UBL3: variants seen among roughly 807,000 people sequenced by gnomAD.
UBL3 encodes the protein ubiquitin-like protein 3.
In UBL3, 6 loss-of-function variants were observed where a neutral mutation model predicts 18.4. That is an observed-to-expected ratio of 0.33 (90% CI 0.18 to 0.64). UBL3 has a LOEUF of 0.64. UBL3 is among the 30% of genes least tolerant of loss of function. The probability of loss-of-function intolerance (pLI) is 0.76; values close to 1 mark genes in which losing one functional copy is unlikely to be tolerated. For missense variants in UBL3, 109 were observed against 142.9 expected, an observed-to-expected ratio of 0.76 and a Z score of 1.21; for synonymous variants, 49 against 46.6, an observed-to-expected ratio of 1.05 and a Z score of -0.21.
chr13:29,844,291 G>T (rs1301814145), intron 1 of UBL3, among the ~76,000 whole-genome samples: 2 of 152,052 alleles, frequency 1.3e-5, no homozygotes, highest in East Asian at 3.9e-4. Flanking sequence ...TAAACAAACA[G>T]AAGTTCTCAT....
At chr13:29,787,915 T>C (rs1206165576) in intron 1 of UBL3, among the ~76,000 whole-genome samples, 2 of 152,150 alleles carry the variant, frequency 1.3e-5, no homozygotes, top group Non-Finnish European at 2.9e-5. Flanking sequence ...GTTAGAGTAG[T>C]ATATATTCAT....
intron 1 of UBL3, among the ~76,000 whole-genome samples, chr13:29,793,336 G>C (rs1877529154): frequency 6.6e-6 from 1 of 152,184 alleles, no homozygotes; most frequent in South Asian, 2.1e-4. Context: ...ATCATTGTTA[G>C]AGACACAATT....
intron 1 of UBL3, among the ~76,000 whole-genome samples, chr13:29,800,510 CAA>C (rs947269913): frequency 1.3e-5 from 2 of 151,730 alleles, no homozygotes; most frequent in African/African-American, 4.8e-5. Context: ...GTAAATAATT[CAA>C]AAGAGGCAGA....
At chr13:29,817,653 AT>A in intron 1 of UBL3, among the ~76,000 whole-genome samples, 1 of 152,314 alleles carries the variant, frequency 6.6e-6, no homozygotes, top group East Asian at 1.9e-4. Context: ...TTTTTTTAAA[AT>A]TCCATTTAGC....
Position 29,803,248 on chromosome 13 carries a change from G to A in UBL3, c.28-25985C>T, listed in dbSNP as rs140712184. On this transcript the variant is annotated intron_variant, in intron 1 of 4. Coordinates refer to ENST00000380680, the MANE Select transcript of UBL3 (RefSeq NM_007106.4). ...CACCACCAGACCTAACTTACCAGAG[G>A]TCCTTAAAGGAGTGCTAAATATGGA... is the stretch of plus-strand genomic sequence containing the variant. Among the ~76,000 whole-genome samples the A allele has an allele frequency of 4.4e-3, 662 of 152,114 alleles. 5 individuals carry two copies. Among genetic ancestry groups the A allele is most frequent in the Admixed American group, 7.1e-3 (108 of 15,282 alleles).
chr13:29,833,669 A>G (rs1270612131), intron 1 of UBL3, among the ~76,000 whole-genome samples: 1 of 152,160 alleles, frequency 6.6e-6, no homozygotes, highest in African/African-American at 2.4e-5. Flanking sequence ...AAAACTGAAC[A>G]CAGACATACT....
intron 1 of UBL3, among the ~76,000 whole-genome samples, chr13:29,806,691 A>T (rs575204908): frequency 3.2e-4 from 48 of 152,326 alleles, no homozygotes; most frequent in African/African-American, 1.2e-3. Flanking sequence ...TTTGGCTTAA[A>T]TTCAGAAATA....
chr13:29,828,507 G>A (rs967698821), intron 1 of UBL3, among the ~76,000 whole-genome samples: 1 of 152,140 alleles, frequency 6.6e-6, no homozygotes, highest in Admixed American at 6.5e-5. Context: ...TAGTTCTCAT[G>A]CCATGGTTTT....
chr13:29,826,863 C>G (rs1289776157), intron 1 of UBL3, among the ~76,000 whole-genome samples: 1 of 152,040 alleles, frequency 6.6e-6, no homozygotes, highest in Non-Finnish European at 1.5e-5. Context: ...TAAATGTGTC[C>G]CTGAGATTCT....
At chr13:29,835,713 C>G (rs1304489382) in intron 1 of UBL3, among the ~76,000 whole-genome samples, 1 of 144,510 alleles carries the variant, frequency 6.9e-6, no homozygotes, top group Non-Finnish European at 1.5e-5. Context: ...TGAGATCGCG[C>G]CACTGCACTC....
intron 1 of UBL3, among the ~76,000 whole-genome samples, chr13:29,796,811 C>A (rs1290628105): frequency 6.6e-6 from 1 of 152,176 alleles, no homozygotes; most frequent in South Asian, 2.1e-4. Context: ...CCATTCTGAT[C>A]ACAACAGTTA....
rs917241562 is a variant in UBL3 at position 29,837,208 on chromosome 13, A to G, written c.27+12304T>C. Reference sequence around the variant, plus strand: ...AAAACATTGCCAGGCACCCAAGGAAAAAGGATCAAATAATCAAAAACAAAA... The same window carrying G: ...AAAACATTGCCAGGCACCCAAGGAAGAAGGATCAAATAATCAAAAACAAAA... On this transcript the variant is annotated intron_variant, in intron 1 of 4. Transcript: ENST00000380680. Among the ~76,000 whole-genome samples, 8 of 152,232 alleles carry G rather than the reference A, an allele frequency of 5.3e-5. 1 individual carries two copies. Among genetic ancestry groups the G allele is most frequent in the African/African-American group, 1.9e-4 (8 of 41,456 alleles).
rs373438188 is a variant in UBL3, at chr13:29,840,535, T to C, written c.27+8977A>G. Among the ~76,000 whole-genome samples, 104 of 120,354 alleles carry C rather than the reference T, an allele frequency of 8.6e-4. 2 individuals are homozygous for C. The highest frequency in any genetic ancestry group is 4.0e-3 in the Middle Eastern group (1 of 252). 79.0% of individuals were successfully genotyped at this position (120,354 alleles called of 152,430 possible). ...ATACTTTACAAGAAATTAAAATTGC[T>C]AGCCAATTGTTTTCATGAACAAAAA... is the stretch of plus-strand genomic sequence containing the variant. On this transcript the variant is annotated intron_variant, in intron 1 of 4. Coordinates refer to ENST00000380680, the MANE Select transcript of UBL3 (RefSeq NM_007106.4).
At chr13:29,778,680 G>A (rs1472399851) in intron 1 of UBL3, among the ~76,000 whole-genome samples, 2 of 152,096 alleles carry the variant, frequency 1.3e-5, no homozygotes, top group Non-Finnish European at 2.9e-5. Context: ...GCCTATTACA[G>A]CAGTCACTGA....
chr13:29,827,203 G>A (rs922860508), intron 1 of UBL3, among the ~76,000 whole-genome samples: 38 of 152,194 alleles, frequency 2.5e-4, no homozygotes, highest in African/African-American at 8.7e-4. Context: ...TATTAGGTCC[G>A]CTTGGTGCAG....
chr13:29,806,878 G>A (rs1470774382), intron 1 of UBL3, among the ~76,000 whole-genome samples: 2 of 151,824 alleles, frequency 1.3e-5, no homozygotes, highest in Admixed American at 1.3e-4. Context: ...TTGTGTCTAT[G>A]GTGCAATTTT....
At chr13:29,832,401 C>A (rs1482132131) in intron 1 of UBL3, among the ~76,000 whole-genome samples, 2 of 150,970 alleles carry the variant, frequency 1.3e-5, no homozygotes, top group Admixed American at 6.6e-5. Flanking sequence ...GGCGCTATCT[C>A]GGCTCACTGC....
intron 1 of UBL3, among the ~76,000 whole-genome samples, chr13:29,791,054 A>G (rs1877468407): frequency 6.6e-6 from 1 of 152,098 alleles, no homozygotes; most frequent in South Asian, 2.1e-4. Context: ...GTCCCCTCAA[A>G]TTTGATATGT....
chr13:29,786,585 G>A (rs1025247993), intron 1 of UBL3, among the ~76,000 whole-genome samples: 2 of 152,170 alleles, frequency 1.3e-5, no homozygotes, highest in East Asian at 1.9e-4. Flanking sequence ...TCATATTTGC[G>A]AAGAAGTAAT....
Sources: allele counts gnomAD v4.1 joint callset (sites outside exome capture counted in the v4.1 genomes callset), GRCh38; gene constraint gnomAD v4.1.1; transcripts MANE v1.5; gene names NCBI Gene and HGNC (gene_info 2026-07-23, HGNC 2026-07-21).